Variants in TNRC6B observed in about 807,000 individuals in gnomAD.
The protein encoded by TNRC6B is trinucleotide repeat-containing gene 6B protein.
A neutral mutation model predicts 203.6 loss-of-function variants in TNRC6B; 52 were observed. The observed-to-expected ratio is 0.26, with a 90% CI of 0.20 to 0.32. The LOEUF (loss-of-function observed/expected upper bound fraction) is 0.32. TNRC6B is among the 10% of genes least tolerant of loss of function. The pLI is 1.00. For missense variants in TNRC6B, 1,923 were observed against 2,286.2 expected (o/e 0.84, Z 3.24); for synonymous variants, 838 against 845.7 (o/e 0.99, Z 0.16).
intron 3 of TNRC6B, among the ~76,000 whole-genome samples, chr22:40,153,771 CA>C (rs2068783621): frequency 6.6e-6 from 1 of 151,130 alleles, no homozygotes; most frequent in Non-Finnish European, 1.5e-5. Flanking sequence ...GAGGGTGGGG[CA>C]GGGGTGGAAA....
rs570881255 is a variant in TNRC6B, at chr22:40,137,551, G to A, written c.45+11689G>A. Among the ~76,000 whole-genome samples, 9 of 152,284 alleles carry A rather than the reference G, an allele frequency of 5.9e-5. No individual in the cohort carries two copies. In the South Asian group the frequency reaches 1.2e-3, roughly 21 times the overall value. ...CGTATTCAGAGCCACACATTTCTCCGGAGAAGAGATGGTTAGAGCATTGAG... is the reference window on the plus strand; with the variant it reads ...CGTATTCAGAGCCACACATTTCTCCAGAGAAGAGATGGTTAGAGCATTGAG... On this transcript the variant is annotated intron_variant, in intron 3 of 23. Transcript: ENST00000301923.
chr22:40,234,230 G>A (rs989951063), intron 1 of TNRC6B, among the ~76,000 whole-genome samples: 1 of 152,114 alleles, frequency 6.6e-6, no homozygotes, highest in Non-Finnish European at 1.5e-5. Flanking sequence ...AGGCTGCAGC[G>A]AACCATGATC....
intron 1 of TNRC6B, among the ~76,000 whole-genome samples, chr22:40,079,571 G>T (rs1323491729): frequency 6.8e-6 from 1 of 147,616 alleles, no homozygotes; most frequent in African/African-American, 2.6e-5. Flanking sequence ...CCAAATCTAA[G>T]TATATATATA....
At chr22:40,119,302 G>A (rs970791417) in intron 2 of TNRC6B, among the ~76,000 whole-genome samples, 1 of 152,170 alleles carries the variant, frequency 6.6e-6, no homozygotes, top group Non-Finnish European at 1.5e-5. Context: ...CACTTGTGTC[G>A]GTCGGACACG....
chr22:40,305,004 A>G (rs987047547), intron 15 of TNRC6B, among the ~76,000 whole-genome samples: 2 of 152,204 alleles, frequency 1.3e-5, no homozygotes, highest in African/African-American at 4.8e-5. Flanking sequence ...AAAGAGGAGC[A>G]GAAAACAGAA....
chr22:40,259,380 C>T (rs1033717615), intron 3 of TNRC6B, among the ~76,000 whole-genome samples: 7 of 152,094 alleles, frequency 4.6e-5, no homozygotes, highest in Non-Finnish European at 8.8e-5. Flanking sequence ...CATGCCACCA[C>T]GCCCAGCTAA....
rs551796612 is a variant in TNRC6B at position 40,050,217 on chromosome 22, A to G, written c.-121+5219A>G. Reference sequence around the variant, plus strand: ...TGAGAGGAGCATGGGTAGTTGGAGCACTTAGAACCCCTTTAGGATTGTAGC... The same window carrying G: ...TGAGAGGAGCATGGGTAGTTGGAGCGCTTAGAACCCCTTTAGGATTGTAGC... On this transcript the variant is annotated intron_variant, in intron 1 of 23. Transcript: ENST00000301923. Among the ~76,000 whole-genome samples the G allele has an allele frequency of 1.8e-4, 28 of 152,292 alleles. No individual in the cohort carries two copies. In the South Asian group the frequency reaches 5.8e-3, roughly 32 times the overall value.
intron 3 of TNRC6B, among the ~76,000 whole-genome samples, chr22:40,154,421 G>A (rs568197786): frequency 5.9e-4 from 90 of 151,508 alleles, no homozygotes; most frequent in African/African-American, 1.9e-3. Flanking sequence ...CCAAGATCAC[G>A]TCATTGCACT....
intron 1 of TNRC6B, among the ~76,000 whole-genome samples, chr22:40,242,900 C>T (rs966893510): frequency 1.3e-5 from 2 of 151,238 alleles, no homozygotes; most frequent in Non-Finnish European, 2.9e-5. Context: ...GACAGAGTCT[C>T]GCTCTGTCAC....
chr22:40,330,915 G>C lies in TNRC6B; in HGVS notation c.*7674G>C, dbSNP rs1331650906. The C allele has an allele frequency of 6.6e-6, 1 of 152,648 alleles. No individual in the cohort carries two copies. The highest frequency in any genetic ancestry group is 6.5e-5 in the Admixed American group (1 of 15,274). 9.5% of individuals were successfully genotyped at this position (152,648 alleles called of 1,614,324 possible). A position where few individuals can be genotyped will look rare whatever the true frequency, so the allele number is the denominator to read the frequency against. On this transcript the variant is annotated 3_prime_UTR_variant, in exon 23 of 23. Transcript: ENST00000454349. ...GAAGAGATTCTGGGACTTGGGAGAG[G>C]AGACAGGGGAAGGTACCCAGGCGAC...
At chr22:40,211,400 C>A (rs910507330) in intron 1 of TNRC6B, among the ~76,000 whole-genome samples, 1 of 151,230 alleles carries the variant, frequency 6.6e-6, no homozygotes, top group African/African-American at 2.4e-5. Context: ...TTCTTTTATT[C>A]TCATCGTTCA....
chr22:40,245,997 A>G lies in TNRC6B; in HGVS notation c.6-18A>G. 1 of 1,521,664 alleles carries G rather than the reference A, an allele frequency of 6.6e-7. No homozygotes were observed. The highest frequency in any genetic ancestry group is 1.4e-5 in the African/African-American group (1 of 71,600). 94.3% of individuals were successfully genotyped at this position (1,521,664 alleles called of 1,614,324 possible). On this transcript the variant is annotated intron_variant, in intron 1 of 22. Coordinates refer to ENST00000454349, the MANE Select transcript of TNRC6B (RefSeq NM_001162501.2). ...GAATGTAGATGTATAACCTTCTGTT[A>G]TGATGTTACTTTAATAGAGAGAAGG...
chr22:40,173,861 T>A (rs1477623856), upstream of TNRC6B, among the ~76,000 whole-genome samples: 1 of 133,372 alleles, frequency 7.5e-6, no homozygotes, highest in Non-Finnish European at 1.5e-5. Flanking sequence ...TGGGGTGCAG[T>A]GGCATGATCT....
intron 3 of TNRC6B, among the ~76,000 whole-genome samples, chr22:40,151,077 C>CT (rs1192539475): frequency 6.6e-6 from 1 of 152,156 alleles, no homozygotes; most frequent in Non-Finnish European, 1.5e-5. Flanking sequence ...AAAAGAGGAA[C>CT]TTGGAGGAAA....
chr22:40,171,086 A>G (rs2146368539), intron 4 of TNRC6B, among the ~76,000 whole-genome samples: 1 of 148,784 alleles, frequency 6.7e-6, no homozygotes, highest in African/African-American at 2.5e-5. Flanking sequence ...ATGTTTATAT[A>G]TATGTATGTA....
intron 1 of TNRC6B, among the ~76,000 whole-genome samples, chr22:40,070,301 G>A (rs1333797564): frequency 6.6e-6 from 1 of 152,098 alleles, no homozygotes; most frequent in Non-Finnish European, 1.5e-5. Flanking sequence ...CTTGGATTTT[G>A]TGACTTTTTA....
intron 2 of TNRC6B, among the ~76,000 whole-genome samples, chr22:40,248,631 A>T (rs1884451309): frequency 6.6e-6 from 1 of 152,212 alleles, no homozygotes; most frequent in African/African-American, 2.4e-5. Context: ...AGTGAATGAG[A>T]TTATTTATGC....
chr22:40,244,605 TTA>T (rs1255656912), intron 1 of TNRC6B, among the ~76,000 whole-genome samples: 1 of 152,212 alleles, frequency 6.6e-6, no homozygotes, highest in African/African-American at 2.4e-5. Flanking sequence ...GGAACCATCT[TTA>T]TGATTTTGCC....
At chr22:40,263,722 A>G (rs2070423819) in intron 4 of TNRC6B, among the ~76,000 whole-genome samples, 1 of 152,146 alleles carries the variant, frequency 6.6e-6, no homozygotes, top group Non-Finnish European at 1.5e-5. Flanking sequence ...GGTGAGCCAG[A>G]CTCATTTAAC....
Sources: allele counts gnomAD v4.1 joint callset (sites outside exome capture counted in the v4.1 genomes callset), GRCh38; gene constraint gnomAD v4.1.1; transcripts MANE v1.5; gene names NCBI Gene and HGNC (gene_info 2026-07-23, HGNC 2026-07-21).